Variants in NCOR2 observed in about 807,000 individuals in gnomAD.
The protein encoded by NCOR2 is CTG repeat protein 26.
In NCOR2, 81 loss-of-function variants were observed where a neutral mutation model predicts 262.9. That is an observed-to-expected ratio of 0.31 (90% CI 0.26 to 0.37). The LOEUF (loss-of-function observed/expected upper bound fraction) is 0.37. NCOR2 is among the 10% of genes least tolerant of loss of function. The probability of loss-of-function intolerance (pLI) is 1.00; values close to 1 mark genes in which losing one functional copy is unlikely to be tolerated. For missense variants in NCOR2, 3,385 were observed against 3,621.4 expected (o/e 0.93, Z 1.68); for synonymous variants, 1,659 against 1,559.3 (o/e 1.06, Z -1.51).
At chr12:124,495,287 C>T, upstream of NCOR2, 1 of 1,590,708 alleles carries the variant, frequency 6.3e-7, no homozygotes, top group East Asian at 2.3e-5. The surrounding 1 kb of genome is among the most constrained non-coding windows in gnomAD (Gnocchi z 4.4). Context: ...CTCCCAGGCC[C>T]CAATAAGCTT....
intron 13 of NCOR2, among the ~76,000 whole-genome samples, chr12:124,418,075 AC>A (rs952217031): frequency 4.0e-5 from 6 of 151,736 alleles, no homozygotes; most frequent in Non-Finnish European, 7.4e-5. Flanking sequence ...AAAAAAAAAA[AC>A]AAATCCCAAA....
chr12:124,548,253 G>A lies in NCOR2; in HGVS notation c.-164-12642C>T, dbSNP rs1398245260. ...TCCAGGTGGGGGGAACAACAAACGC[G>A]AAGGCCCAGAGGCAGATGCGGTCGG... On this transcript the variant is annotated intron_variant, in intron 1 of 32. Transcript: ENST00000458234. This position sits in a 1 kb window ranked among gnomAD's most constrained non-coding sequence, Gnocchi z 5.1. Among the ~76,000 whole-genome samples the A allele has an allele frequency of 6.6e-6, 1 of 152,208 alleles. No individual in the cohort carries two copies. The highest frequency in any genetic ancestry group is 1.5e-5 in the Non-Finnish European group (1 of 68,032).
At chr12:124,325,972 C>G (rs2034600983) in intron 46 of NCOR2, among the ~76,000 whole-genome samples, 1 of 152,184 alleles carries the variant, frequency 6.6e-6, no homozygotes, top group African/African-American at 2.4e-5. Flanking sequence ...TGGCCGGCCC[C>G]AACCACACCC....
Position 124,503,755 on chromosome 12 carries a change from CATGGATGG to C in NCOR2, c.-117-8395_-117-8388del, listed in dbSNP as rs140020991. 0.11 allele frequency among the ~76,000 whole-genome samples: 15,539 copies of C among 146,718 alleles called. 948 individuals are homozygous for C. Among genetic ancestry groups the C allele is most frequent in the East Asian group, 0.2 (1,016 of 4,960 alleles). On this transcript the variant is annotated intron_variant, in intron 1 of 46. Coordinates refer to the NCOR2 transcript ENST00000404621. This position sits in a 1 kb window ranked among gnomAD's most constrained non-coding sequence, Gnocchi z 4.3. ...GGATGGACGGATGGATGCATGGATGCATGGATGGATGGATGGATGGATGGGCGGATGGA... is the reference window on the plus strand; with the variant it reads ...GGATGGACGGATGGATGCATGGATGCATGGATGGATGGATGGGCGGATGGA...
chr12:124,472,934 C>G lies in NCOR2; in HGVS notation c.591+18G>C, dbSNP rs1276652597. On this transcript the variant is annotated intron_variant, in intron 4 of 46. Transcript: ENST00000405201. ...GAGACTCAGAACAAACACTCCCCCT[C>G]CCCCTGCCCATTCACACCTGCTTCT... 1 of 1,613,386 alleles carries G rather than the reference C, an allele frequency of 6.2e-7. No individual in the cohort carries two copies.
chr12:124,325,397 C>G, exon 47 of NCOR2: 11 of 657,030 alleles, frequency 1.7e-5, no homozygotes, highest in African/African-American at 2.4e-5. Context: ...CCGCCCTGTT[C>G]TGAGTCACTC....
At chr12:124,408,521 A>G (rs2042396912) in intron 13 of NCOR2, among the ~76,000 whole-genome samples, 1 of 152,144 alleles carries the variant, frequency 6.6e-6, no homozygotes, top group South Asian at 2.1e-4. Context: ...GCCAGGCAGG[A>G]GGATTGTCTA....
intron 7 of NCOR2, among the ~76,000 whole-genome samples, chr12:124,445,027 T>C (rs892569948): frequency 2.0e-5 from 3 of 152,124 alleles, no homozygotes; most frequent in Non-Finnish European, 4.4e-5. Context: ...GCCCCGGGTC[T>C]GACAGTTCCC....
At position 124,362,269 on chromosome 12, in the gene NCOR2, C is replaced by CG. The variant is rs746871841; in HGVS notation, c.2956dup (p.Arg986ProfsTer76). On this transcript the variant is annotated frameshift_variant, in exon 22 of 47. Coordinates refer to ENST00000405201, the Ensembl canonical transcript of NCOR2. LOFTEE classifies it high-confidence loss of function. ...TGGCTTGGTGGGAGCTGCGTCCTCC[C>CG]GGGGGGGCTCATGGACTTTGGTGAC... The CG allele has an allele frequency of 1.5e-5, 20 of 1,313,506 alleles. No homozygotes were observed. Among genetic ancestry groups the CG allele is most frequent in the South Asian group, 2.9e-5 (1 of 34,176 alleles). 81.4% of individuals were successfully genotyped at this position (1,313,506 alleles called of 1,614,324 possible).
intron 21 of NCOR2, 111 bp downstream of exon 23, chr12:124,363,568 G>A (rs577472417): frequency 3.8e-5 from 39 of 1,029,928 alleles, no homozygotes; most frequent in African/African-American, 3.3e-4. Context: ...AAACAGAAGC[G>A]GATGAGCTAG....
At chr12:124,476,279 T>C (rs1179513166) in intron 3 of NCOR2, among the ~76,000 whole-genome samples, 1 of 152,180 alleles carries the variant, frequency 6.6e-6, no homozygotes, top group Non-Finnish European at 1.5e-5. Flanking sequence ...GCGGTCCACC[T>C]TGGGTGCTTG....
chr12:124,545,652 G>T (rs143574416), intron 1 of NCOR2, among the ~76,000 whole-genome samples: 1 of 152,208 alleles, frequency 6.6e-6, no homozygotes, highest in Non-Finnish European at 1.5e-5. Context: ...CAAGTGGCCC[G>T]GCTGGGGTCA....
At chr12:124,418,864 T>C (rs568381904) in intron 13 of NCOR2, among the ~76,000 whole-genome samples, 2 of 152,326 alleles carry the variant, frequency 1.3e-5, no homozygotes, top group African/African-American at 2.4e-5. Flanking sequence ...GCCAGGCACG[T>C]AGTGCTTCCA....
chr12:124,348,060 A>G (rs1244063), intron 29 of NCOR2, 114 bp downstream of exon 31: 1,277,294 of 1,525,538 alleles, frequency 0.84, 536,956 homozygotes, highest in Admixed American at 0.88. Flanking sequence ...CGCTACCTCC[A>G]GATGGAGCCT....
intron 13 of NCOR2, among the ~76,000 whole-genome samples, chr12:124,403,154 C>A (rs908490334): frequency 1.3e-5 from 2 of 152,170 alleles, no homozygotes; most frequent in African/African-American, 4.8e-5. Flanking sequence ...CCTCTCTAAG[C>A]CTCGGTCTCC....
chr12:124,340,310 T>C (rs1314134486), exon 36 of NCOR2: 11 of 1,611,670 alleles, frequency 6.8e-6, no homozygotes, highest in Non-Finnish European at 8.5e-6. Context: ...TCCAGATGGG[T>C]GCGTGCTCCA....
At position 124,443,196 on chromosome 12, in the gene NCOR2, C is replaced by T. The variant is rs1171871798; in HGVS notation, c.816-5200G>A. ...GTGTGATCTTCCACAAACCGCGGTG[C>T]TGTCACTGCAGCTGGAAAACGACTC... On this transcript the variant is annotated intron_variant, in intron 7 of 46. Transcript: ENST00000405201. The surrounding 1 kb of genome is among the most constrained non-coding windows in gnomAD (Gnocchi z 4.4). Among the ~76,000 whole-genome samples, 1 of 152,218 alleles carries T rather than the reference C, an allele frequency of 6.6e-6. No individual in the cohort carries two copies. Among genetic ancestry groups the T allele is most frequent in the Non-Finnish European group, 1.5e-5 (1 of 68,034 alleles).
intron 32 of NCOR2, among the ~76,000 whole-genome samples, chr12:124,343,639 TTTTGAGA>T (rs997620782): frequency 2.6e-5 from 4 of 152,066 alleles, no homozygotes; most frequent in Non-Finnish European, 4.4e-5. Context: ...TTTTTTTTTT[TTTTGAGA>T]TAAGAGTTTC....
chr12:124,548,583 T>G lies in NCOR2; in HGVS notation c.-164-12972A>C, dbSNP rs534336557. Among the ~76,000 whole-genome samples, 35 of 152,212 alleles carry G rather than the reference T, an allele frequency of 2.3e-4. No individual in the cohort carries two copies. In the South Asian group the frequency reaches 6.6e-3, roughly 29 times the overall value. ...TGGCAATGCTGTTCCCCCCCAAACA[T>G]AGTTACTGTTTATTATTATTCCATC... On this transcript the variant is annotated intron_variant, in intron 1 of 32. Coordinates refer to the NCOR2 transcript ENST00000458234. The surrounding 1 kb of genome is among the most constrained non-coding windows in gnomAD (Gnocchi z 5.1).
Sources: allele counts gnomAD v4.1 joint callset (sites outside exome capture counted in the v4.1 genomes callset), GRCh38; gene constraint gnomAD v4.1.1; non-coding constraint Gnocchi (gnomAD v3.1); transcripts MANE v1.5; gene names NCBI Gene and HGNC (gene_info 2026-07-23, HGNC 2026-07-21).